CADPS: variants seen among roughly 807,000 people sequenced by gnomAD.
The protein encoded by CADPS is calcium-dependent secretion activator 1.
CADPS carries 57 observed loss-of-function variants against 167.3 expected under a neutral mutation model. The ratio of observed to expected loss-of-function variants is 0.34; its 90% CI spans 0.28 to 0.42. The LOEUF is 0.42. Ranked by LOEUF, CADPS falls within the 20% of genes least tolerant of loss-of-function variation. The probability of loss-of-function intolerance (pLI) is 1.00; values close to 1 mark genes in which losing one functional copy is unlikely to be tolerated. For missense variants in CADPS, 1,414 were observed against 1,738.1 expected (o/e 0.81, Z 3.32); for synonymous variants, 676 against 635.3 (o/e 1.06, Z -0.96).
At chr3:62,591,752 G>C (rs1291229967) in intron 7 of CADPS, among the ~76,000 whole-genome samples, 1 of 152,132 alleles carries the variant, frequency 6.6e-6, no homozygotes, top group African/African-American at 2.4e-5. Flanking sequence ...CCACCTCTCA[G>C]GGATGTCTCA....
intron 22 of CADPS, among the ~76,000 whole-genome samples, chr3:62,480,179 T>C (rs951009560): frequency 6.6e-6 from 1 of 152,218 alleles, no homozygotes; most frequent in Non-Finnish European, 1.5e-5. Flanking sequence ...TTTTGATTGC[T>C]GAGCAGTTAC....
intron 10 of CADPS, among the ~76,000 whole-genome samples, chr3:62,552,029 G>A (rs1408321431): frequency 6.6e-6 from 1 of 152,038 alleles, no homozygotes; most frequent in East Asian, 1.9e-4. Flanking sequence ...TATCCCTGGA[G>A]CCTAGAATAG....
chr3:62,455,172 T>G lies in CADPS; in HGVS notation c.3637-9375A>C, dbSNP rs547727075. 1.5e-5 allele frequency among the ~76,000 whole-genome samples: 2 copies of G among 130,308 alleles called. No individual in the cohort carries two copies. The highest frequency in any genetic ancestry group is 9.2e-5 in the Admixed American group (1 of 10,856). The allele number at this position is 130,308 out of a possible 152,430, so 85.5% of individuals were successfully genotyped here. A position where few individuals can be genotyped will look rare whatever the true frequency, so the allele number is the denominator to read the frequency against. On this transcript the variant is annotated intron_variant, in intron 26 of 29. Transcript: ENST00000383710. The surrounding 1 kb of genome is among the most constrained non-coding windows in gnomAD (Gnocchi z 4.4). ...CTTCTGAACAGATGCCTGATTGAAG[T>G]AGACCTGTTTTTCCTTCCAGTTTTC...
chr3:62,555,766 G>A (rs1159919504), intron 10 of CADPS, among the ~76,000 whole-genome samples: 2 of 151,810 alleles, frequency 1.3e-5, no homozygotes, highest in Non-Finnish European at 1.5e-5. Flanking sequence ...TTTGAGTTGG[G>A]GTCTATTTCT....
At chr3:62,730,767 T>C (rs929230272) in intron 3 of CADPS, among the ~76,000 whole-genome samples, 3 of 152,228 alleles carry the variant, frequency 2.0e-5, no homozygotes, top group African/African-American at 4.8e-5. Context: ...GTTGCATACT[T>C]TCCTGACGTC....
At chr3:62,623,801 T>G (rs556299120) in intron 6 of CADPS, among the ~76,000 whole-genome samples, 28 of 152,212 alleles carry the variant, frequency 1.8e-4, no homozygotes, top group African/African-American at 6.5e-4. Context: ...CTTAAACCAC[T>G]GTTTCAGTCA....
At chr3:62,527,756 A>G (rs1331959564) in intron 13 of CADPS, among the ~76,000 whole-genome samples, 1 of 152,196 alleles carries the variant, frequency 6.6e-6, no homozygotes, top group African/African-American at 2.4e-5. Context: ...AGTTAATAAT[A>G]GGTAAAAAAC....
At chr3:62,843,965 G>T (rs1039921092) in intron 1 of CADPS, among the ~76,000 whole-genome samples, 1 of 152,144 alleles carries the variant, frequency 6.6e-6, no homozygotes, top group Non-Finnish European at 1.5e-5. Flanking sequence ...GGCTCTGTAG[G>T]TATCCTTACC....
chr3:62,839,012 T>C (rs951190134), intron 1 of CADPS, among the ~76,000 whole-genome samples: 1 of 152,212 alleles, frequency 6.6e-6, no homozygotes, highest in African/African-American at 2.4e-5. Flanking sequence ...GTCAGGCAGA[T>C]AAGTGTAAAA....
chr3:62,644,612 C>T (rs1056406046), intron 6 of CADPS, among the ~76,000 whole-genome samples: 1 of 152,152 alleles, frequency 6.6e-6, no homozygotes, highest in Non-Finnish European at 1.5e-5. Flanking sequence ...GGCAGCTTAT[C>T]CACCCCTTAT....
chr3:62,644,782 C>T (rs1261725218), intron 6 of CADPS, among the ~76,000 whole-genome samples: 1 of 152,236 alleles, frequency 6.6e-6, no homozygotes, highest in African/African-American at 2.4e-5. Flanking sequence ...TCAAATGCCT[C>T]ATATGTCCTA....
chr3:62,535,401 A>G (rs2074484449), intron 12 of CADPS, among the ~76,000 whole-genome samples: 1 of 151,762 alleles, frequency 6.6e-6, no homozygotes, highest in Non-Finnish European at 1.5e-5. Context: ...AGACTATTTT[A>G]TCTACAATTT....
At chr3:62,864,997 T>C (rs1267928985) in intron 1 of CADPS, among the ~76,000 whole-genome samples, 2 of 152,280 alleles carry the variant, frequency 1.3e-5, no homozygotes, top group East Asian at 3.9e-4. Context: ...CAACATTGTC[T>C]GATGATGTAT....
intron 29 of CADPS, among the ~76,000 whole-genome samples, chr3:62,401,997 A>G (rs1402291298): frequency 5.9e-5 from 9 of 152,174 alleles, no homozygotes. Flanking sequence ...GTCCTAAGGA[A>G]CTGAAGTAAA....
intron 13 of CADPS, among the ~76,000 whole-genome samples, chr3:62,529,663 T>A (rs1043141289): frequency 6.6e-6 from 1 of 152,236 alleles, no homozygotes; most frequent in Non-Finnish European, 1.5e-5. Flanking sequence ...TGACCTTCCC[T>A]ATTGGACCCG....
At chr3:62,776,220 A>G (rs952724587) in intron 1 of CADPS, among the ~76,000 whole-genome samples, 3 of 152,172 alleles carry the variant, frequency 2.0e-5, no homozygotes, top group African/African-American at 7.2e-5. Context: ...AGTCTTGGAG[A>G]ATATAGCATG....
At chr3:62,850,782 T>C (rs1350902335) in intron 1 of CADPS, among the ~76,000 whole-genome samples, 1 of 151,048 alleles carries the variant, frequency 6.6e-6, no homozygotes, top group Non-Finnish European at 1.5e-5. Context: ...TGTAGATGTC[T>C]ATTAGGTCCT....
chr3:62,408,477 C>T (rs1227542139), intron 28 of CADPS, among the ~76,000 whole-genome samples: 1 of 152,162 alleles, frequency 6.6e-6, no homozygotes, highest in Non-Finnish European at 1.5e-5. Context: ...AAACTTTACC[C>T]CCTGGAAGGG....
intron 1 of CADPS, among the ~76,000 whole-genome samples, chr3:62,840,743 C>T (rs1275792770): frequency 6.6e-6 from 1 of 152,014 alleles, no homozygotes; most frequent in Non-Finnish European, 1.5e-5. Context: ...TTAATATAAA[C>T]CATTGATATC....
Sources: gnomAD v4.1 joint callset for allele counts (sites outside exome capture counted in the v4.1 genomes callset) on GRCh38, gnomAD v4.1.1 for gene constraint, Gnocchi (gnomAD v3.1) non-coding constraint, MANE v1.5 for transcripts, NCBI Gene and HGNC (gene_info 2026-07-23, HGNC 2026-07-21) for gene names.